The following PDE10A variants were observed in gnomAD, a reference collection of about 807,000 sequenced individuals.
The protein encoded by PDE10A is phosphodiesterase 10A.
Under a neutral mutation model 97.7 loss-of-function variants are expected in PDE10A, and 39 were observed. The observed-to-expected ratio is 0.40, with a 90% CI of 0.31 to 0.52. The LOEUF (loss-of-function observed/expected upper bound fraction) is 0.52, where lower values mean the gene tolerates loss of function less well. Ranked by LOEUF, PDE10A falls within the 20% of genes least tolerant of loss-of-function variation. PDE10A has a pLI of 0.56. For missense variants in PDE10A, 731 were observed against 1,047.8 expected (o/e 0.70, Z 4.17); for synonymous variants, 371 against 376.8 (o/e 0.98, Z 0.18).
At chr6:165,765,349 G>A (rs565271180) in intron 1 of PDE10A, among the ~76,000 whole-genome samples, 10 of 152,352 alleles carry the variant, frequency 6.6e-5, no homozygotes, top group African/African-American at 2.4e-4. Flanking sequence ...GGCGCTCCTC[G>A]GGGAGGCTCG....
In PDE10A at chr6:165,579,661, T is replaced by C. The variant is rs117041446; in HGVS notation, c.866-36093A>G. On this transcript the variant is annotated intron_variant, in intron 1 of 21. Transcript: ENST00000539869. ...ATGCATCTATAGTCTGGTCTCAATATAGCACCCTGTCAAAACATAAACTAG... is the reference window on the plus strand; with the variant it reads ...ATGCATCTATAGTCTGGTCTCAATACAGCACCCTGTCAAAACATAAACTAG... Among the ~76,000 whole-genome samples the C allele has an allele frequency of 4.2e-3, 646 of 152,302 alleles. 1 individual carries two copies. The highest frequency in any genetic ancestry group is 7.5e-3 in the Non-Finnish European group (509 of 68,024).
At chr6:165,598,348 T>C (rs1239719603) in intron 1 of PDE10A, among the ~76,000 whole-genome samples, 1 of 152,220 alleles carries the variant, frequency 6.6e-6, no homozygotes, top group South Asian at 2.1e-4. Flanking sequence ...AAGAGTCACA[T>C]GCAACACATA....
chr6:165,505,202 T>G (rs1430057830), intron 2 of PDE10A, among the ~76,000 whole-genome samples: 8 of 152,210 alleles, frequency 5.3e-5, no homozygotes, highest in Non-Finnish European at 1.0e-4. Context: ...CAAATACAAG[T>G]GTTTTATTAG....
intron 2 of PDE10A, among the ~76,000 whole-genome samples, chr6:165,542,204 A>T (rs1783482452): frequency 6.6e-6 from 1 of 152,220 alleles, no homozygotes; most frequent in South Asian, 2.1e-4. Context: ...TGAACAGTCA[A>T]AAACACATAT....
intron 1 of PDE10A, among the ~76,000 whole-genome samples, chr6:165,687,687 C>T (rs1004689698): frequency 3.3e-5 from 5 of 152,358 alleles, no homozygotes; most frequent in Admixed American, 2.0e-4. Context: ...CACTTCCTCT[C>T]ACCCAGTCCT....
chr6:165,431,531 C>CTA, intron 7 of PDE10A, 59 bp from the exon 8 acceptor site: 1 of 569,442 alleles, frequency 1.8e-6, no homozygotes, highest in Non-Finnish European at 2.9e-6. Flanking sequence ...TATATATATA[C>CTA]TATATATAAT....
At chr6:165,641,795 T>G (rs577016604) in intron 1 of PDE10A, among the ~76,000 whole-genome samples, 7 of 152,312 alleles carry the variant, frequency 4.6e-5, no homozygotes, top group African/African-American at 1.7e-4. Flanking sequence ...CGGACTGTTA[T>G]GAGAACCAAG....
intron 1 of PDE10A, among the ~76,000 whole-genome samples, chr6:165,875,959 T>C (rs1320508075): frequency 6.6e-6 from 1 of 152,228 alleles, no homozygotes; most frequent in Admixed American, 6.5e-5. Flanking sequence ...TACCACATCA[T>C]AGTTGTGTAA....
chr6:165,724,972 C>T (rs752638887), intron 1 of PDE10A, among the ~76,000 whole-genome samples: 13 of 152,204 alleles, frequency 8.5e-5, no homozygotes, highest in Non-Finnish European at 1.9e-4. Flanking sequence ...AAAGGCTCCA[C>T]CCTCCGGCCT....
intron 2 of PDE10A, among the ~76,000 whole-genome samples, chr6:165,491,925 G>T (rs1156505935): frequency 1.3e-5 from 2 of 151,996 alleles, no homozygotes; most frequent in East Asian, 3.9e-4. Flanking sequence ...CAAAAAGGTG[G>T]TTCTTTGAAA....
chr6:165,941,205 A>G (rs1783506025), intron 1 of PDE10A, among the ~76,000 whole-genome samples: 1 of 152,222 alleles, frequency 6.6e-6, no homozygotes, highest in African/African-American at 2.4e-5. Context: ...TGAAAGGACT[A>G]AACCAGATGA....
intron 1 of PDE10A, among the ~76,000 whole-genome samples, chr6:165,600,997 C>T (rs550522554): frequency 1.3e-5 from 2 of 152,298 alleles, no homozygotes; most frequent in Non-Finnish European, 2.9e-5. Flanking sequence ...GGCTACGTCC[C>T]CACCCAAATC....
At chr6:165,338,865 A>G (rs1781805669) in intron 20 of PDE10A, among the ~76,000 whole-genome samples, 1 of 152,174 alleles carries the variant, frequency 6.6e-6, no homozygotes, top group Non-Finnish European at 1.5e-5. Context: ...GAAGGTTTCA[A>G]GTGGTTCTAG....
At chr6:165,901,188 C>T (rs866809501) in intron 1 of PDE10A, among the ~76,000 whole-genome samples, 2 of 152,170 alleles carry the variant, frequency 1.3e-5, no homozygotes, top group Non-Finnish European at 2.9e-5. Flanking sequence ...GTTTCTGTGG[C>T]GTCTCCAGCT....
chr6:165,349,952 T>A (rs543734611), intron 18 of PDE10A, among the ~76,000 whole-genome samples: 5 of 152,326 alleles, frequency 3.3e-5, no homozygotes, highest in African/African-American at 1.2e-4. Flanking sequence ...AGCCTGGATG[T>A]CCAGGCAGAA....
chr6:165,824,898 G>A (rs1241235476), intron 1 of PDE10A, among the ~76,000 whole-genome samples: 6 of 150,520 alleles, frequency 4.0e-5, no homozygotes, highest in African/African-American at 9.8e-5. Flanking sequence ...GGGAGGCCGA[G>A]GCAGGTGGAT....
chr6:165,404,128 G>A (rs529247651), intron 13 of PDE10A, among the ~76,000 whole-genome samples: 36 of 152,186 alleles, frequency 2.4e-4, no homozygotes, highest in South Asian at 4.1e-4. Flanking sequence ...CAGTCACACC[G>A]ATATGATTAC....
chr6:165,669,839 G>T (rs1161190480), intron 1 of PDE10A, among the ~76,000 whole-genome samples: 3 of 152,162 alleles, frequency 2.0e-5, no homozygotes, highest in African/African-American at 7.2e-5. Flanking sequence ...CATCTGCTGA[G>T]CCCAGAGAAC....
intron 2 of PDE10A, among the ~76,000 whole-genome samples, chr6:165,538,355 G>A (rs1783223817): frequency 1.3e-5 from 2 of 152,018 alleles, no homozygotes; most frequent in Admixed American, 6.6e-5. Context: ...TAGTGATACG[G>A]TCGGCTATTG....
Sources: allele counts gnomAD v4.1 joint callset (sites outside exome capture counted in the v4.1 genomes callset), GRCh38; gene constraint gnomAD v4.1.1; transcripts MANE v1.5; gene names NCBI Gene and HGNC (gene_info 2026-07-23, HGNC 2026-07-21).